Variants in NRXN3 observed in about 807,000 individuals in gnomAD.
The protein encoded by NRXN3 is neurexin III.
In NRXN3, 32 loss-of-function variants were observed where a neutral mutation model predicts 137.6. That is an observed-to-expected ratio of 0.23 (90% CI 0.18 to 0.31). NRXN3 has a LOEUF of 0.31. NRXN3 is among the 10% of genes least tolerant of loss of function. The pLI, the probability that NRXN3 is intolerant of heterozygous loss-of-function variation, is 1.00. For synonymous variants in NRXN3, 798 were observed against 784.5 expected, an observed-to-expected ratio of 1.02 and a Z score of -0.29; for missense variants, 1,574 against 2,062.5, an observed-to-expected ratio of 0.76 and a Z score of 4.59.
chr14:79,647,052 A>T (rs547680178), intron 16 of NRXN3, among the ~76,000 whole-genome samples: 1 of 135,878 alleles, frequency 7.4e-6, no homozygotes, highest in African/African-American at 2.4e-5. Flanking sequence ...CAACTCCACA[A>T]GCAGTAAAGT....
intron 20 of NRXN3, among the ~76,000 whole-genome samples, chr14:79,839,890 C>T (rs1156925593): frequency 2.6e-5 from 4 of 152,182 alleles, no homozygotes; most frequent in South Asian, 4.1e-4. Context: ...GTGATCCTAA[C>T]ATCTACATAT....
At chr14:78,967,095 T>A (rs111697658) in intron 12 of NRXN3, 113 bp from the exon 13 acceptor site, 9 of 796,238 alleles carry the variant, frequency 1.1e-5, no homozygotes, top group African/African-American at 6.9e-5. Flanking sequence ...ATTCCTGCAT[T>A]ATGCCAGTTT....
At chr14:78,910,212 A>G (rs1044211974) in intron 10 of NRXN3, among the ~76,000 whole-genome samples, 4 of 152,092 alleles carry the variant, frequency 2.6e-5, no homozygotes, top group Admixed American at 2.6e-4. Context: ...TATAGCAGAA[A>G]GAGCTCAGTG....
At chr14:79,683,706 A>G (rs1338010778) in intron 17 of NRXN3, among the ~76,000 whole-genome samples, 1 of 152,136 alleles carries the variant, frequency 6.6e-6, no homozygotes, top group Non-Finnish European at 1.5e-5. Context: ...TGCTATCTAG[A>G]CCTGGGAGAT....
chr14:79,484,771 G>C (rs1391343909), intron 16 of NRXN3, among the ~76,000 whole-genome samples: 1 of 152,202 alleles, frequency 6.6e-6, no homozygotes, highest in Non-Finnish European at 1.5e-5. Flanking sequence ...TAGTTTAGAA[G>C]AGGTTAGAAG....
chr14:79,150,900 T>C (rs969663959), intron 15 of NRXN3, among the ~76,000 whole-genome samples: 2 of 151,962 alleles, frequency 1.3e-5, no homozygotes, highest in Non-Finnish European at 1.5e-5. Context: ...TCAGCAGAAG[T>C]CCAAAGGTCC....
chr14:78,971,223 G>A lies in NRXN3; in HGVS notation c.3142+2877G>A, dbSNP rs571829174. On this transcript the variant is annotated intron_variant, in intron 14 of 20. Coordinates refer to ENST00000335750, the MANE Select transcript of NRXN3 (RefSeq NM_001330195.2). ...GCATCATTTTTATTCTGAATCTCTT[G>A]TGTAGAGCATGAGACCCCCAAGAAG... is the stretch of plus-strand genomic sequence containing the variant. Among the ~76,000 whole-genome samples, 4 of 152,236 alleles carry A rather than the reference G, an allele frequency of 2.6e-5. No homozygotes were observed. In the East Asian group the frequency reaches 7.7e-4, roughly 29 times the overall value.
intron 16 of NRXN3, among the ~76,000 whole-genome samples, chr14:79,565,238 T>C (rs939618689): frequency 1.2e-4 from 12 of 101,298 alleles, no homozygotes; most frequent in African/African-American, 4.0e-4. Flanking sequence ...TATATACATA[T>C]ATGTGTGTGT....
At chr14:78,843,827 A>G (rs1017888722) in intron 10 of NRXN3, among the ~76,000 whole-genome samples, 2 of 152,152 alleles carry the variant, frequency 1.3e-5, no homozygotes, top group Non-Finnish European at 2.9e-5. Flanking sequence ...TTAAGTTGTT[A>G]TGGCTGGCCC....
At chr14:78,379,058 C>T (rs752443501) in intron 4 of NRXN3, among the ~76,000 whole-genome samples, 12 of 151,392 alleles carry the variant, frequency 7.9e-5, no homozygotes, top group South Asian at 2.1e-4. Context: ...AAAAATCTAC[C>T]GCAACTTGGT....
rs144041769 is a variant in NRXN3 at position 78,955,237 on chromosome 14, A to G, written c.2276-2005A>G. Among the ~76,000 whole-genome samples, 885 of 152,272 alleles carry G rather than the reference A, an allele frequency of 5.8e-3. 13 individuals carry two copies. Among genetic ancestry groups the G allele is most frequent in the African/African-American group, 0.02 (820 of 41,560 alleles). On this transcript the variant is annotated intron_variant, in intron 10 of 20. Transcript: ENST00000335750. ...TAAAAACATAAAAAAACAAAGACAG[A>G]TTTGTTTTTTCTGAGAACATCTGTT...
intron 15 of NRXN3, among the ~76,000 whole-genome samples, chr14:79,092,387 C>G (rs1568262927): frequency 6.6e-6 from 1 of 152,188 alleles, no homozygotes; most frequent in Non-Finnish European, 1.5e-5. Flanking sequence ...TTCTGACTAT[C>G]TGCAACCTTA....
chr14:79,837,218 A>G (rs1360502517), intron 20 of NRXN3, among the ~76,000 whole-genome samples: 1 of 152,126 alleles, frequency 6.6e-6, no homozygotes, highest in East Asian at 1.9e-4. Flanking sequence ...GTCCATTCAA[A>G]ATATTCTGAA....
intron 10 of NRXN3, among the ~76,000 whole-genome samples, chr14:78,889,073 T>TA (rs2099151879): frequency 6.6e-6 from 1 of 152,018 alleles, no homozygotes; most frequent in Admixed American, 6.6e-5. Context: ...TACAGTATGA[T>TA]AAAAATATTG....
At chr14:78,681,969 G>T (rs1602357081) in intron 6 of NRXN3, among the ~76,000 whole-genome samples, 1 of 152,084 alleles carries the variant, frequency 6.6e-6, no homozygotes, top group East Asian at 1.9e-4. Flanking sequence ...CCGGGTTCAA[G>T]CAATTCTCCT....
chr14:78,740,550 T>C (rs552518022), intron 8 of NRXN3, among the ~76,000 whole-genome samples: 11 of 151,268 alleles, frequency 7.3e-5, no homozygotes, highest in African/African-American at 2.7e-4. Flanking sequence ...TTTTCTTTTT[T>C]TTTTTTTTAC....
chr14:79,586,987 G>T (rs2097769324), intron 16 of NRXN3, among the ~76,000 whole-genome samples: 1 of 152,102 alleles, frequency 6.6e-6, no homozygotes, highest in African/African-American at 2.4e-5. Flanking sequence ...TGGTAACTGA[G>T]AGCTCCTACT....
At chr14:79,105,282 C>T (rs1215638389) in intron 15 of NRXN3, among the ~76,000 whole-genome samples, 1 of 152,122 alleles carries the variant, frequency 6.6e-6, no homozygotes, top group Non-Finnish European at 1.5e-5. Context: ...ATTATCTCTA[C>T]AAACCATCTC....
chr14:79,402,674 C>A (rs2095233478), intron 15 of NRXN3, among the ~76,000 whole-genome samples: 1 of 152,138 alleles, frequency 6.6e-6, no homozygotes, highest in Non-Finnish European at 1.5e-5. Context: ...GGCTACTTGC[C>A]ACCATTGAAG....
Sources: gnomAD v4.1 joint callset for allele counts (sites outside exome capture counted in the v4.1 genomes callset) on GRCh38, gnomAD v4.1.1 for gene constraint, MANE v1.5 for transcripts, NCBI Gene and HGNC (gene_info 2026-07-23, HGNC 2026-07-21) for gene names.